The following COLEC12 variants were observed in gnomAD, a reference collection of about 807,000 sequenced individuals.
COLEC12 encodes the protein collectin-12.
COLEC12 carries 33 observed loss-of-function variants against 71.1 expected under a neutral mutation model. The ratio of observed to expected loss-of-function variants is 0.46; its 90% CI spans 0.35 to 0.62. The LOEUF (loss-of-function observed/expected upper bound fraction) is 0.62, where lower values mean the gene tolerates loss of function less well. COLEC12 is among the 20% of genes least tolerant of loss of function. The pLI is 0.00. For synonymous variants in COLEC12, 350 were observed against 353.0 expected, an observed-to-expected ratio of 0.99 and a Z score of 0.10; for missense variants, 765 against 916.1, an observed-to-expected ratio of 0.84 and a Z score of 2.13.
intron 1 of COLEC12, among the ~76,000 whole-genome samples, chr18:496,642 C>T (rs1917718680): frequency 6.6e-6 from 1 of 152,208 alleles, no homozygotes. Context: ...AAGTATACTG[C>T]TTACTAGTGC....
In COLEC12 at chr18:349,528, A is replaced by G. The variant is rs1367392879; in HGVS notation, c.182-1365T>C. 2.0e-5 allele frequency among the ~76,000 whole-genome samples: 3 copies of G among 152,198 alleles called. No individual in the cohort carries two copies. In the South Asian group the frequency reaches 6.2e-4, roughly 31 times the overall value. ...GTCGGAGCCCCCACACAGAGTCCCT[A>G]CTGGGGCACTGCCTAGTGGAGCTGT... On this transcript the variant is annotated intron_variant, in intron 3 of 9. Transcript: ENST00000400256.
intron 2 of COLEC12, among the ~76,000 whole-genome samples, chr18:456,077 G>A (rs1443867473): frequency 6.6e-6 from 1 of 152,164 alleles, no homozygotes; most frequent in East Asian, 1.9e-4. Context: ...GTGGGAGGCT[G>A]GCTGGTTTAA....
chr18:474,378 T>G (rs566966908), intron 2 of COLEC12, among the ~76,000 whole-genome samples: 1 of 152,352 alleles, frequency 6.6e-6, no homozygotes, highest in Admixed American at 6.5e-5. Context: ...TTCACACGAC[T>G]TTCTCTTCAC....
chr18:450,671 T>A (rs11662879), intron 2 of COLEC12, among the ~76,000 whole-genome samples: 66,273 of 152,014 alleles, frequency 0.44, 14,674 homozygotes, highest in East Asian at 0.66. Context: ...GGTACTGAGG[T>A]GTAGGGCATT....
At chr18:406,515 CAAAAAAAAAAA>C (rs34263909) in intron 2 of COLEC12, among the ~76,000 whole-genome samples, 1 of 90,450 alleles carries the variant, frequency 1.1e-5, no homozygotes, top group African/African-American at 4.9e-5. Flanking sequence ...GACTCCGTCT[CAAAAAAAAAAA>C]AAAAAAAAAA....
At chr18:432,720 C>G (rs1431989911) in intron 2 of COLEC12, among the ~76,000 whole-genome samples, 1 of 61,364 alleles carries the variant, frequency 1.6e-5, no homozygotes, top group Non-Finnish European at 3.8e-5. Flanking sequence ...CACACCCATC[C>G]ACATCTGATA....
At chr18:494,233 C>T (rs866178940) in intron 1 of COLEC12, among the ~76,000 whole-genome samples, 5 of 152,184 alleles carry the variant, frequency 3.3e-5, no homozygotes, top group African/African-American at 9.7e-5. Context: ...AACACATTTG[C>T]AATTTGAAAA....
intron 2 of COLEC12, among the ~76,000 whole-genome samples, chr18:474,804 T>C (rs765500592): frequency 6.7e-4 from 102 of 152,306 alleles, no homozygotes; most frequent in Non-Finnish European, 1.1e-3. Context: ...CCAGGGGTGG[T>C]GGCTACGCCT....
At chr18:460,566 C>T (rs1208795600) in intron 2 of COLEC12, among the ~76,000 whole-genome samples, 3 of 152,182 alleles carry the variant, frequency 2.0e-5, no homozygotes, top group African/African-American at 4.8e-5. Flanking sequence ...CAGTACATTG[C>T]GTGTGTTTTA....
At position 321,731 on chromosome 18, in the gene COLEC12, CAT is replaced by C. The variant is rs1281897649; in HGVS notation, c.2138_2139del (p.Tyr713CysfsTer10). On this transcript the variant is annotated frameshift_variant, in exon 9 of 10. Coordinates refer to ENST00000400256, the MANE Select transcript of COLEC12 (RefSeq NM_130386.3). LOFTEE classifies it high-confidence loss of function. ...CATTGGAAATCGTTCCACTGCCCAGCATAAATCAACCCAGCACAGTCTTCTCC... is the reference window on the plus strand; with the variant it reads ...CATTGGAAATCGTTCCACTGCCCAGCAAATCAACCCAGCACAGTCTTCTCC... ...GPGEDCAGLI[Y>X]AGQWNDFQCE... is the part of the protein sequence containing the mutation. The C allele has an allele frequency of 6.2e-7, 1 of 1,614,250 alleles. No homozygotes were observed. The highest frequency in any genetic ancestry group is 8.5e-7 in the Non-Finnish European group (1 of 1,180,040).
intron 2 of COLEC12, among the ~76,000 whole-genome samples, chr18:425,559 A>C (rs913000224): frequency 6.6e-6 from 1 of 152,150 alleles, no homozygotes; most frequent in Non-Finnish European, 1.5e-5. Context: ...GATCACCAGG[A>C]GAGACTCTGG....
intron 2 of COLEC12, among the ~76,000 whole-genome samples, chr18:433,028 T>C (rs1331460726): frequency 6.6e-6 from 1 of 152,176 alleles, no homozygotes; most frequent in Non-Finnish European, 1.5e-5. Context: ...AGTGTGATGA[T>C]TGTTAGGAAG....
chr18:442,000 T>TACACACA (rs1309639326), intron 2 of COLEC12, among the ~76,000 whole-genome samples: 57 of 116,774 alleles, frequency 4.9e-4, no homozygotes, highest in Non-Finnish European at 8.0e-4. Context: ...ACTCTCTCTC[T>TACACACA]CTACACACAC....
chr18:340,074 C>CAA (rs60991743), intron 5 of COLEC12, among the ~76,000 whole-genome samples: 2,874 of 94,128 alleles, frequency 0.031, 109 homozygotes, highest in Middle Eastern at 0.079. Flanking sequence ...TGCCTGAAAG[C>CAA]AAAAAAAAAA....
intron 2 of COLEC12, among the ~76,000 whole-genome samples, chr18:382,650 TC>T (rs1915257997): frequency 1.3e-5 from 2 of 152,316 alleles, no homozygotes; most frequent in African/African-American, 4.8e-5. Context: ...AGTATGGGCA[TC>T]ATTACAGCCA....
chr18:379,415 C>T (rs2143556446), intron 2 of COLEC12, among the ~76,000 whole-genome samples: 1 of 152,292 alleles, frequency 6.6e-6, no homozygotes, highest in Admixed American at 6.5e-5. Flanking sequence ...ATGTGACCCA[C>T]TGCACCCAGC....
chr18:479,172 T>C (rs1398245737), intron 2 of COLEC12, among the ~76,000 whole-genome samples: 1 of 152,172 alleles, frequency 6.6e-6, no homozygotes, highest in Non-Finnish European at 1.5e-5. Context: ...CTTGGTTTCA[T>C]CTTCACTCCT....
chr18:404,832 G>A (rs1260655554), intron 2 of COLEC12, among the ~76,000 whole-genome samples: 3 of 152,160 alleles, frequency 2.0e-5, no homozygotes, highest in Non-Finnish European at 4.4e-5. Flanking sequence ...GAATAACAGC[G>A]ATTTTTAGGG....
intron 1 of COLEC12, among the ~76,000 whole-genome samples, chr18:495,693 CTCAG>C (rs1257096982): frequency 1.3e-5 from 2 of 152,240 alleles, no homozygotes; most frequent in African/African-American, 4.8e-5. Context: ...ACGTTGCTCA[CTCAG>C]TATCTAGTGG....
Sources: allele counts gnomAD v4.1 joint callset (sites outside exome capture counted in the v4.1 genomes callset), GRCh38; gene constraint gnomAD v4.1.1; transcripts MANE v1.5; gene names NCBI Gene and HGNC (gene_info 2026-07-23, HGNC 2026-07-21).